Variants in CMSS1 observed in about 807,000 individuals in gnomAD.
CMSS1 encodes cms1 ribosomal small subunit homolog.
A neutral mutation model predicts 43.5 loss-of-function variants in CMSS1; 33 were observed. The observed-to-expected ratio is 0.76, with a 90% CI of 0.57 to 1.01. The LOEUF (loss-of-function observed/expected upper bound fraction) is 1.01. Ranked by LOEUF, CMSS1 falls within the 50% of genes least tolerant of loss-of-function variation. The pLI is 0.00. For missense variants in CMSS1, 313 were observed against 326.4 expected (o/e 0.96, Z 0.32); for synonymous variants, 115 against 117.2 (o/e 0.98, Z 0.12).
intron 1 of CMSS1, among the ~76,000 whole-genome samples, chr3:99,865,674 C>T (rs1164290223): frequency 3.3e-5 from 5 of 152,074 alleles, no homozygotes; most frequent in Admixed American, 3.3e-4. Flanking sequence ...TTCCATAGAA[C>T]ATTTCAAGGA....
chr3:100,170,948 G>T (rs1379317502), intron 6 of CMSS1, among the ~76,000 whole-genome samples: 1 of 152,180 alleles, frequency 6.6e-6, no homozygotes, highest in Non-Finnish European at 1.5e-5. Context: ...TTTAAAATCA[G>T]ATTGCACATA....
chr3:100,077,794 C>T lies in CMSS1; in HGVS notation c.65-69179C>T, dbSNP rs149473598. On this transcript the variant is annotated intron_variant, in intron 1 of 9. Coordinates refer to ENST00000421999, the MANE Select transcript of CMSS1 (RefSeq NM_032359.4). ...GCATGGCTGTGCATGTCTGTGGTCCCGCTACTGGGAGGCTGAGACAGGAGG... is the reference window on the plus strand; with the variant it reads ...GCATGGCTGTGCATGTCTGTGGTCCTGCTACTGGGAGGCTGAGACAGGAGG... 1.0e-3 allele frequency among the ~76,000 whole-genome samples: 152 copies of T among 152,090 alleles called. 1 individual carries two copies. Among genetic ancestry groups the T allele is most frequent in the African/African-American group, 2.8e-3 (117 of 41,488 alleles).
chr3:100,108,175 C>T (rs961632826), intron 1 of CMSS1, among the ~76,000 whole-genome samples: 12 of 152,220 alleles, frequency 7.9e-5, no homozygotes, highest in South Asian at 4.1e-4. Context: ...CTTCTTAATT[C>T]GGTCCAGGGA....
chr3:99,933,428 G>T (rs1482326925), intron 1 of CMSS1, among the ~76,000 whole-genome samples: 1 of 152,094 alleles, frequency 6.6e-6, no homozygotes, highest in Non-Finnish European at 1.5e-5. Flanking sequence ...TAAGAGATGA[G>T]ATTGGGAAAA....
intron 1 of CMSS1, among the ~76,000 whole-genome samples, chr3:99,840,222 T>C (rs1268958833): frequency 7.3e-5 from 1 of 13,614 alleles, no homozygotes; most frequent in East Asian, 4.5e-3. Flanking sequence ...TCGTAGAATC[T>C]TTTTTTTTTT....
At chr3:99,994,187 C>A (rs1456541406) in intron 1 of CMSS1, among the ~76,000 whole-genome samples, 1 of 152,066 alleles carries the variant, frequency 6.6e-6, no homozygotes, top group Admixed American at 6.6e-5. Flanking sequence ...ACTATTTCTT[C>A]CTGGCTCAGT....
chr3:100,151,742 C>T (rs1020378163), intron 2 of CMSS1, among the ~76,000 whole-genome samples: 1 of 152,308 alleles, frequency 6.6e-6, no homozygotes, highest in South Asian at 2.1e-4. Flanking sequence ...CTACCACACT[C>T]TTCCTCTGGC....
chr3:99,870,399 T>C (rs1362856464), intron 1 of CMSS1, among the ~76,000 whole-genome samples: 1 of 152,210 alleles, frequency 6.6e-6, no homozygotes, highest in Non-Finnish European at 1.5e-5. Context: ...TTCTCCCACA[T>C]TGTTTATCTT....
intron 1 of CMSS1, among the ~76,000 whole-genome samples, chr3:100,065,357 A>G (rs1190947747): frequency 6.6e-6 from 1 of 152,202 alleles, no homozygotes; most frequent in Non-Finnish European, 1.5e-5. Context: ...GATAGGCATT[A>G]TTATCCACTC....
intron 1 of CMSS1, among the ~76,000 whole-genome samples, chr3:99,976,322 T>C (rs985329423): frequency 1.3e-5 from 2 of 152,190 alleles, no homozygotes; most frequent in Non-Finnish European, 2.9e-5. Flanking sequence ...AATAATTATA[T>C]AGAATTCATA....
At chr3:99,909,637 T>C (rs1257263989) in intron 1 of CMSS1, among the ~76,000 whole-genome samples, 1 of 152,194 alleles carries the variant, frequency 6.6e-6, no homozygotes, top group Non-Finnish European at 1.5e-5. Context: ...ATAATACTGC[T>C]AATAATAGGG....
intron 1 of CMSS1, among the ~76,000 whole-genome samples, chr3:99,892,724 T>C (rs1439446449): frequency 1.3e-5 from 2 of 152,088 alleles, no homozygotes; most frequent in Non-Finnish European, 2.9e-5. Context: ...CCTTACTCCA[T>C]CTCACCCACC....
At chr3:99,957,922 T>C (rs1212155775) in intron 1 of CMSS1, among the ~76,000 whole-genome samples, 1 of 150,834 alleles carries the variant, frequency 6.6e-6, no homozygotes, top group African/African-American at 2.4e-5. Context: ...GGAACCTGTT[T>C]AATGAAAACA....
At chr3:99,925,234 G>T (rs1707254193) in intron 1 of CMSS1, among the ~76,000 whole-genome samples, 1 of 152,056 alleles carries the variant, frequency 6.6e-6, no homozygotes, top group Non-Finnish European at 1.5e-5. Context: ...TTATGTGTTG[G>T]TGTATAGTGT....
At chr3:99,832,820 A>C (rs1337513118) in intron 1 of CMSS1, among the ~76,000 whole-genome samples, 2 of 144,092 alleles carry the variant, frequency 1.4e-5, no homozygotes, top group African/African-American at 5.1e-5. Flanking sequence ...AGCCTGGGCC[A>C]CAGAGCAAGA....
chr3:99,850,865 G>C, intron 1 of CMSS1: 1 of 1,614,142 alleles, frequency 6.2e-7, no homozygotes, highest in Middle Eastern at 1.6e-4. Flanking sequence ...AGTTTGGTAT[G>C]TGTTTCCTTT....
At chr3:100,083,335 C>CACAA (rs906350014) in intron 1 of CMSS1, among the ~76,000 whole-genome samples, 2 of 152,186 alleles carry the variant, frequency 1.3e-5, no homozygotes, top group African/African-American at 4.8e-5. Context: ...TAGCCCTTAA[C>CACAA]GTATGTTGTG....
intron 1 of CMSS1, among the ~76,000 whole-genome samples, chr3:99,861,583 C>G (rs1944257223): frequency 6.6e-6 from 1 of 152,150 alleles, no homozygotes; most frequent in African/African-American, 2.4e-5. Flanking sequence ...CTGCGTTCTT[C>G]TGTATCTTGT....
At chr3:99,937,157 C>T (rs1276496758) in intron 1 of CMSS1, among the ~76,000 whole-genome samples, 3 of 151,938 alleles carry the variant, frequency 2.0e-5, no homozygotes, top group Admixed American at 6.6e-5. Flanking sequence ...AGGCTGGTCT[C>T]GAACTCCTGA....
Sources: allele counts gnomAD v4.1 joint callset (sites outside exome capture counted in the v4.1 genomes callset), GRCh38; gene constraint gnomAD v4.1.1; transcripts MANE v1.5; gene names NCBI Gene and HGNC (gene_info 2026-07-23, HGNC 2026-07-21).